Variants in TRIM13 observed in about 807,000 individuals in gnomAD.
TRIM13 encodes the protein E3 ubiquitin-protein ligase TRIM13.
Under a neutral mutation model 27.1 loss-of-function variants are expected in TRIM13, and 15 were observed. The observed-to-expected ratio is 0.55, with a 90% CI of 0.37 to 0.85. The LOEUF (loss-of-function observed/expected upper bound fraction) is 0.85, where lower values mean the gene tolerates loss of function less well. TRIM13 is among the 40% of genes least tolerant of loss of function. The pLI, the probability that TRIM13 is intolerant of heterozygous loss-of-function variation, is 0.00. For missense variants in TRIM13, 402 were observed against 472.2 expected (o/e 0.85, Z 1.38); for synonymous variants, 193 against 171.5 (o/e 1.13, Z -0.98).
At chr13:50,004,138 A>G (rs904277705) in intron 1 of TRIM13, among the ~76,000 whole-genome samples, 1 of 152,222 alleles carries the variant, frequency 6.6e-6, no homozygotes, top group African/African-American at 2.4e-5. Flanking sequence ...TTGTTTACAT[A>G]AAGTTTTTTG....
At chr13:49,999,717 G>A (rs1373311306) in intron 1 of TRIM13, among the ~76,000 whole-genome samples, 1 of 152,078 alleles carries the variant, frequency 6.6e-6, no homozygotes, top group African/African-American at 2.4e-5. Context: ...ACTGGTGCTT[G>A]AACACAGGTA....
chr13:50,010,193 C>T (rs975917041), intron 1 of TRIM13, among the ~76,000 whole-genome samples: 4 of 151,838 alleles, frequency 2.6e-5, no homozygotes, highest in Non-Finnish European at 4.4e-5. Context: ...GGACTACAGG[C>T]GCATGCCACC....
At chr13:49,998,211 T>C (rs1873496285) in intron 1 of TRIM13, among the ~76,000 whole-genome samples, 1 of 152,196 alleles carries the variant, frequency 6.6e-6, no homozygotes, top group Non-Finnish European at 1.5e-5. Flanking sequence ...TCTTGCACAA[T>C]GGGAGCGTCC....
chr13:50,008,168 G>A (rs1875057662), intron 1 of TRIM13, among the ~76,000 whole-genome samples: 1 of 152,110 alleles, frequency 6.6e-6, no homozygotes, highest in Admixed American at 6.5e-5. Flanking sequence ...GCCTCCCAAA[G>A]TGCTGGGATT....
intron 1 of TRIM13, among the ~76,000 whole-genome samples, chr13:50,010,040 CTTTTTTTTTTT>C (rs760914119): frequency 7.7e-5 from 9 of 117,166 alleles, no homozygotes; most frequent in Non-Finnish European, 1.2e-4. Context: ...GTAATTTAAT[CTTTTTTTTTTT>C]TTTTTTTTTT....
In TRIM13 at chr13:50,015,726, A is replaced by ACTAT. The variant is rs765814274; in HGVS notation, c.*2565_*2568dup. ...CTTTTATTACCCACTGAATTTTCAG[A>ACTAT]CTATCTTAGGCTTCAGAGAGAGGCT... On this transcript the variant is annotated 3_prime_UTR_variant, in exon 2 of 2. Coordinates refer to ENST00000378182, the MANE Select transcript of TRIM13 (RefSeq NM_213590.3). 1.9e-6 allele frequency: 3 copies of ACTAT among 1,613,950 alleles called. No homozygotes were observed. The highest frequency in any genetic ancestry group is 2.7e-5 in the African/African-American group (2 of 74,918).
Position 50,015,075 on chromosome 13 carries a change from TAAAAAAAAAAAAA to T in TRIM13, c.*1919_*1931del, listed in dbSNP as rs753156435. The T allele has an allele frequency of 2.1e-3, 119 of 56,124 alleles. 4 individuals carry two copies. Among genetic ancestry groups the T allele is most frequent in the Admixed American group, 1.3e-3 (5 of 3,730 alleles). 3.5% of individuals were successfully genotyped at this position (56,124 alleles called of 1,614,324 possible). ...GAGAATGCTTTTCCCCTCCCAGTAA[TAAAAAAAAAAAAA>T]AAAAAAATATATATATATATATATA... On this transcript the variant is annotated 3_prime_UTR_variant, in exon 2 of 2. Transcript: ENST00000378182.
At position 50,013,006 on chromosome 13, in the gene TRIM13, T is replaced by G; in HGVS notation, c.1066T>G (p.Ser356Ala). 1 of 1,613,976 alleles carries G rather than the reference T, an allele frequency of 6.2e-7. No homozygotes were observed. The highest frequency in any genetic ancestry group is 1.3e-5 in the African/African-American group (1 of 75,014). ...TWKGCLSNFSSYLTKTADFIE... is the reference protein window; with the variant it reads ...TWKGCLSNFSAYLTKTADFIE... ...GAAAGGCTGTCTTTCAAACTTCAGTTCCTATCTGACTAAAACAGCCGATTT... is the reference window on the plus strand; with the variant it reads ...GAAAGGCTGTCTTTCAAACTTCAGTGCCTATCTGACTAAAACAGCCGATTT... Residue 356 changes from serine (S) to alanine (A), a missense_variant, in exon 2 of 2, where the codon TCC (serine) becomes GCC (alanine). Around this residue, in one of 2 missense-constraint regions of TRIM13, gnomAD observed 200 missense variants for 194.7 expected, o/e 1.03. Coordinates refer to ENST00000378182, the MANE Select transcript of TRIM13 (RefSeq NM_213590.3).
Position 50,015,993 on chromosome 13 carries a change from C to T in TRIM13, c.*2829C>T, listed in dbSNP as rs1290377325. On this transcript the variant is annotated 3_prime_UTR_variant, in exon 2 of 2. Coordinates refer to ENST00000378182, the MANE Select transcript of TRIM13 (RefSeq NM_213590.3). ...CCTCAGATGACCTTACTTCCACTGC[C>T]TCCACAAAGACCTTCTTACCATGAC... The T allele has an allele frequency of 1.2e-6, 2 of 1,614,112 alleles. No homozygotes were observed. Among genetic ancestry groups the T allele is most frequent in the South Asian group, 2.2e-5 (2 of 91,082 alleles).
chr13:50,001,264 C>A (rs140088755), intron 1 of TRIM13, among the ~76,000 whole-genome samples: 1,643 of 134,914 alleles, frequency 0.012, 23 homozygotes, highest in African/African-American at 0.043. Context: ...GCACTCCAGC[C>A]TGGGTGACAA....
rs1876273542 is a variant in TRIM13 at position 50,015,091 on chromosome 13, AAAAAT to A, written c.*1929_*1933del. 6.9e-5 allele frequency: 2 copies of A among 29,068 alleles called. No individual in the cohort carries two copies. Among genetic ancestry groups the A allele is most frequent in the African/African-American group, 2.8e-4 (2 of 7,074 alleles). The allele number at this position is 29,068 out of a possible 1,614,324, so 1.8% of individuals were successfully genotyped here. ...TCCCAGTAATAAAAAAAAAAAAAAAAAAAATATATATATATATATATATATATATA... is the reference window on the plus strand; with the variant it reads ...TCCCAGTAATAAAAAAAAAAAAAAAAATATATATATATATATATATATATA... On this transcript the variant is annotated 3_prime_UTR_variant, in exon 2 of 2. Coordinates refer to ENST00000378182, the MANE Select transcript of TRIM13 (RefSeq NM_213590.3).
rs867377689 is a variant in TRIM13 at position 50,017,696 on chromosome 13, A to G, written c.*4532A>G. The G allele has an allele frequency of 1.8e-5, 3 of 167,154 alleles. No individual in the cohort carries two copies. The highest frequency in any genetic ancestry group is 3.4e-3 in the Middle Eastern group (1 of 296). The allele number at this position is 167,154 out of a possible 1,614,324, so 10.4% of individuals were successfully genotyped here. ...AGAGATAGCCAATCTGAATACGGTG[A>G]AATTATGGGGATCTCTGGTGATTGG... is the stretch of plus-strand genomic sequence containing the variant. On this transcript the variant is annotated 3_prime_UTR_variant, in exon 2 of 2. Coordinates refer to ENST00000378182, the MANE Select transcript of TRIM13 (RefSeq NM_213590.3).
At chr13:50,003,073 C>T (rs1294128516) in intron 1 of TRIM13, among the ~76,000 whole-genome samples, 1 of 152,106 alleles carries the variant, frequency 6.6e-6, no homozygotes, top group Non-Finnish European at 1.5e-5. Flanking sequence ...ATAAGATTAA[C>T]TAGTGTGCTG....
chr13:50,006,962 C>T (rs1333370373), intron 1 of TRIM13, among the ~76,000 whole-genome samples: 5 of 150,268 alleles, frequency 3.3e-5, no homozygotes, highest in Admixed American at 1.3e-4. Context: ...GGGCGGATCA[C>T]CCGAGGTCAG....
Position 50,017,402 on chromosome 13 carries a change from G to A in TRIM13, c.*4238G>A, listed in dbSNP as rs900374828. ...AAGTAATTGTTTCCTTGAAAAACAT[G>A]ATTAAAAACTAAAACTGGGATGTTC... is the stretch of plus-strand genomic sequence containing the variant. On this transcript the variant is annotated 3_prime_UTR_variant, in exon 2 of 2. Transcript: ENST00000378182. 6.0e-6 allele frequency: 1 copy of A among 167,012 alleles called. No individual in the cohort carries two copies. Among genetic ancestry groups the A allele is most frequent in the Non-Finnish European group, 1.5e-5 (1 of 68,090 alleles). 10.3% of individuals were successfully genotyped at this position (167,012 alleles called of 1,614,324 possible).
At chr13:50,005,740 GTTT>G (rs372855203) in intron 1 of TRIM13, among the ~76,000 whole-genome samples, 3 of 137,884 alleles carry the variant, frequency 2.2e-5, no homozygotes, top group Non-Finnish European at 3.2e-5. Flanking sequence ...GAAATATTTA[GTTT>G]TTTTTTTTTT....
Position 50,012,975 on chromosome 13 carries a change from A to C in TRIM13, c.1035A>C (p.Ala345=). The change falls in exon 2 of 2, where the codon GCA becomes GCC. Residue 345 remains alanine, a synonymous_variant. Transcript: ENST00000378182. ...FLEWSLFDDL[A]TWKGCLSNFS... is the part of the protein sequence containing the mutation. ...AATGGTCATTATTTGATGACCTGGC[A>C]ACTTGGAAAGGCTGTCTTTCAAACT... The C allele has an allele frequency of 2.5e-6, 4 of 1,613,802 alleles. No homozygotes were observed. The highest frequency in any genetic ancestry group is 3.4e-6 in the Non-Finnish European group (4 of 1,179,862).
intron 1 of TRIM13, among the ~76,000 whole-genome samples, chr13:50,002,566 G>T (rs1415745164): frequency 2.0e-5 from 3 of 152,008 alleles, no homozygotes; most frequent in South Asian, 2.1e-4. Context: ...AACTCAAGAA[G>T]AATATTAAAG....
Position 50,014,709 on chromosome 13 carries a change from C to T in TRIM13, c.*1545C>T, listed in dbSNP as rs1226773485. 2 of 166,836 alleles carry T rather than the reference C, an allele frequency of 1.2e-5. No homozygotes were observed. The highest frequency in any genetic ancestry group is 2.4e-5 in the African/African-American group (1 of 41,406). 10.3% of individuals were successfully genotyped at this position (166,836 alleles called of 1,614,324 possible). A position where few individuals can be genotyped will look rare whatever the true frequency, so the allele number is the denominator to read the frequency against. ...TAACAAAGAAGTAACCTTATAACTG[C>T]TCTCTAGTCTGCCTTATTTGTGTCA... is the stretch of plus-strand genomic sequence containing the variant. On this transcript the variant is annotated 3_prime_UTR_variant, in exon 2 of 2. Transcript: ENST00000378182.
Sources: gnomAD v4.1 joint callset for allele counts (sites outside exome capture counted in the v4.1 genomes callset) on GRCh38, gnomAD v4.1.1 for gene constraint, gnomAD v4.1.1 regional missense constraint, MANE v1.5 for transcripts, NCBI Gene and HGNC (gene_info 2026-07-23, HGNC 2026-07-21) for gene names.